The following TBX5 variants were observed in gnomAD, a reference collection of about 807,000 sequenced individuals.
TBX5 encodes the protein T-box transcription factor 5, also known as T-box transcription factor TBX5.
Under a neutral mutation model 51.1 loss-of-function variants are expected in TBX5, and 8 were observed. That is an observed-to-expected ratio of 0.16 (90% CI 0.09 to 0.28). TBX5 has a LOEUF of 0.28. Among genes scored for constraint, TBX5 ranks in the 10% least tolerant of loss-of-function variants. TBX5 has a pLI of 1.00. For synonymous variants in TBX5, 302 were observed against 266.4 expected, an observed-to-expected ratio of 1.13 and a Z score of -1.30; for missense variants, 589 against 671.7, an observed-to-expected ratio of 0.88 and a Z score of 1.36.
chr12:114,382,266 A>T (rs910343337), intron 7 of TBX5, among the ~76,000 whole-genome samples: 1 of 152,224 alleles, frequency 6.6e-6, no homozygotes. Context: ...GTGAGTCATG[A>T]TCGCACCACT....
intron 7 of TBX5, among the ~76,000 whole-genome samples, chr12:114,384,932 A>G (rs988535754): frequency 4.6e-5 from 7 of 152,186 alleles, no homozygotes; most frequent in African/African-American, 1.7e-4. Context: ...AGCCCGTTCT[A>G]TTCATCATAT....
At chr12:114,385,773 G>A (rs1014388988) in intron 6 of TBX5, among the ~76,000 whole-genome samples, 8 of 151,954 alleles carry the variant, frequency 5.3e-5, no homozygotes, top group Non-Finnish European at 1.2e-4. Flanking sequence ...CTTTTAAAAG[G>A]GGAAAAACAC....
At chr12:114,406,544 C>A (rs552482865), upstream of TBX5, among the ~76,000 whole-genome samples, 2 of 152,150 alleles carry the variant, frequency 1.3e-5, no homozygotes, top group East Asian at 3.9e-4. Context: ...AGCTGCCTGA[C>A]CCCGCCTGGC....
In TBX5 at chr12:114,403,797, G is replaced by A; in HGVS notation, c.102C>T (p.Ala34=). 1.2e-6 allele frequency: 2 copies of A among 1,614,068 alleles called. No individual in the cohort carries two copies. The highest frequency in any genetic ancestry group is 2.7e-5 in the African/African-American group (2 of 75,052). ...CDSKPESALG[A]PSKSPSSPQA... ...GCGGGGACGACGGGGACTTGCTGGGGGCCCCGAGCGCGCTCTCGGGTTTCG... is the reference window on the plus strand; with the variant it reads ...GCGGGGACGACGGGGACTTGCTGGGAGCCCCGAGCGCGCTCTCGGGTTTCG... The change falls in exon 2 of 9, where the codon GCC becomes GCT. Residue 34 remains alanine (A), a synonymous_variant. Transcript: ENST00000405440.
chr12:114,392,178 TA>T (rs57938892), intron 6 of TBX5, among the ~76,000 whole-genome samples: 17,729 of 136,112 alleles, frequency 0.13, 1,423 homozygotes, highest in East Asian at 0.27. Flanking sequence ...TGGATTGCGC[TA>T]AAAAAAAAAA....
chr12:114,407,788 C>T (rs1346993574), upstream of TBX5: 9 of 985,326 alleles, frequency 9.1e-6, no homozygotes, highest in African/African-American at 1.7e-5. Context: ...CTATTTCCCC[C>T]CTCAGTCCTC....
At chr12:114,366,948 G>A (rs755910398) in intron 7 of TBX5, among the ~76,000 whole-genome samples, 2 of 152,094 alleles carry the variant, frequency 1.3e-5, no homozygotes, top group Non-Finnish European at 2.9e-5. Context: ...TGTCCTTGTG[G>A]CCACTGATAT....
intron 4 of TBX5, 99 bp downstream of exon 4, chr12:114,399,414 T>TAAAAA: frequency 7.1e-7 from 1 of 1,404,860 alleles, no homozygotes. Context: ...CAGTAGGAAC[T>TAAAAA]AAAAAAAAAA....
intron 8 of TBX5, 71 bp downstream of exon 8, chr12:114,366,086 TCCTCACCC>T (rs1869513724): frequency 7.3e-7 from 1 of 1,374,416 alleles, no homozygotes; most frequent in Non-Finnish European, 1.0e-6. Context: ...AAATGAATAC[TCCTCACCC>T]CCTCACCCCC....
In TBX5 at chr12:114,366,167, T is replaced by C. The variant is rs1484583705; in HGVS notation, c.980A>G (p.Lys327Arg). 3.7e-6 allele frequency: 6 copies of C among 1,614,052 alleles called. No homozygotes were observed. In the Admixed American group the frequency reaches 1.0e-4, roughly 27 times the overall value. Residue 327 changes from lysine to arginine, a missense_variant and splice_region_variant, in exon 8 of 9, where the codon AAA becomes AGA. Lys to Arg is a conservative substitution (Grantham distance 26). Coordinates refer to ENST00000405440, the MANE Select transcript of TBX5 (RefSeq NM_181486.4). Reference protein sequence around the residue: ...HSQIYHCTKRKEEECSTTDHP... With the variant: ...HSQIYHCTKRREEECSTTDHP... ...TGACCAGGGGTGATCACACTCACCTTTCCTCTTGGTACAATGGTAAATTTG... is the reference window on the plus strand; with the variant it reads ...TGACCAGGGGTGATCACACTCACCTCTCCTCTTGGTACAATGGTAAATTTG...
At chr12:114,356,321 C>T (rs1473127507) in intron 8 of TBX5, among the ~76,000 whole-genome samples, 1 of 152,190 alleles carries the variant, frequency 6.6e-6, no homozygotes, top group African/African-American at 2.4e-5. Flanking sequence ...CTGGGTTCAG[C>T]TTCTTCATCT....
At position 114,358,122 on chromosome 12, in the gene TBX5, G is replaced by A. The variant is rs149881772; in HGVS notation, c.983-2016C>T. 8.3e-4 allele frequency among the ~76,000 whole-genome samples: 126 copies of A among 152,354 alleles called. No individual in the cohort carries two copies. The East Asian group carries it at 0.022, about 27-fold the overall frequency. On this transcript the variant is annotated intron_variant, in intron 8 of 8. Transcript: ENST00000405440. ...AGAGGCTGGAATCTAAGCCAGATTG[G>A]ATTGACTTTGCCTACACACCTTGCT...
In TBX5 at chr12:114,398,717, A is replaced by T; in HGVS notation, c.366T>A (p.Ser122=). The T allele has an allele frequency of 1.9e-6, 3 of 1,599,858 alleles. No homozygotes were observed. Among genetic ancestry groups the T allele is most frequent in the Non-Finnish European group, 2.6e-6 (3 of 1,173,310 alleles). The change falls in exon 5 of 9, where the codon TCT becomes TCA. Residue 122 remains serine, a synonymous_variant. Transcript: ENST00000405440. The stretch of plus-strand genomic sequence containing the variant: ...TGGCGGGCTCAGCTTTGCCCGTCAC[A>T]GACCTAGATGAAGGAGAGGTGTACT... ...HRYKFADNKW[S]VTGKAEPAMP... is the part of the protein sequence containing the mutation.
intron 7 of TBX5, among the ~76,000 whole-genome samples, chr12:114,377,915 T>C (rs144970530): frequency 6.6e-6 from 1 of 152,104 alleles, no homozygotes; most frequent in East Asian, 1.9e-4. Flanking sequence ...CTTTCAATAA[T>C]CAAACTGGAG....
At chr12:114,384,269 T>C (rs1870669015) in intron 7 of TBX5, among the ~76,000 whole-genome samples, 1 of 24,916 alleles carries the variant, frequency 4.0e-5, no homozygotes, top group African/African-American at 1.3e-4. Context: ...AGGGTCATTC[T>C]CTTGTTTTTT....
Position 114,354,189 on chromosome 12 carries a change from G to A in TBX5, c.*1343C>T. The A allele has an allele frequency of 6.6e-6, 1 of 150,694 alleles. No homozygotes were observed. The highest frequency in any genetic ancestry group is 1.5e-5 in the Non-Finnish European group (1 of 67,744). 9.3% of individuals were successfully genotyped at this position (150,694 alleles called of 1,614,324 possible). A position where few individuals can be genotyped will look rare whatever the true frequency, so the allele number is the denominator to read the frequency against. ...TAATCAAAAAAAGCAAAGCACATTC[G>A]AAAGAGGAAAAAAACAAAAAAAAAC... On this transcript the variant is annotated 3_prime_UTR_variant, in exon 9 of 9. Transcript: ENST00000405440.
chr12:114,372,840 T>C (rs572692105), intron 7 of TBX5, among the ~76,000 whole-genome samples: 28 of 152,242 alleles, frequency 1.8e-4, no homozygotes, highest in African/African-American at 5.8e-4. Flanking sequence ...AGGCACGAAC[T>C]AGACCACTCC....
chr12:114,387,654 C>G (rs1303099722), intron 6 of TBX5, among the ~76,000 whole-genome samples: 2 of 152,154 alleles, frequency 1.3e-5, no homozygotes, highest in Non-Finnish European at 2.9e-5. Context: ...CTAAGGTGAA[C>G]TATGGACTCT....
At chr12:114,388,432 C>T (rs1870943796) in intron 6 of TBX5, among the ~76,000 whole-genome samples, 1 of 152,044 alleles carries the variant, frequency 6.6e-6, no homozygotes, top group Admixed American at 6.5e-5. Context: ...GCTGGGATTA[C>T]AGGCGTGAGC....
Sources: gnomAD v4.1 joint callset for allele counts (sites outside exome capture counted in the v4.1 genomes callset) on GRCh38, gnomAD v4.1.1 for gene constraint, MANE v1.5 for transcripts, NCBI Gene and HGNC (gene_info 2026-07-23, HGNC 2026-07-21) for gene names.